The following LARS2 variants were observed in gnomAD, a reference collection of about 807,000 sequenced individuals.
LARS2 encodes leucine--tRNA ligase, mitochondrial.
A neutral mutation model predicts 116.6 loss-of-function variants in LARS2; 81 were observed. That is an observed-to-expected ratio of 0.69 (90% confidence interval 0.58 to 0.84). LARS2 has a LOEUF of 0.84. Among genes scored for constraint, LARS2 ranks in the 40% least tolerant of loss-of-function variants. The pLI is 0.00. For synonymous variants in LARS2, 396 were observed against 407.2 expected, an observed-to-expected ratio of 0.97 and a Z score of 0.33; for missense variants, 968 against 1,114.5, an observed-to-expected ratio of 0.87 and a Z score of 1.87.
intron 2 of LARS2, among the ~76,000 whole-genome samples, chr3:45,394,028 C>T (rs940868310): frequency 1.3e-5 from 2 of 152,302 alleles, no homozygotes; most frequent in Non-Finnish European, 2.9e-5. Context: ...ATATTTGAGC[C>T]TAACGCCAAC....
At chr3:45,516,297 T>C (rs1700369282) in intron 17 of LARS2, 21 bp downstream of exon 17, 1 of 1,605,870 alleles carries the variant, frequency 6.2e-7, no homozygotes, top group Non-Finnish European at 8.5e-7. Context: ...TTCCTCTTCC[T>C]GACTTGCTTC....
At chr3:45,532,583 A>G (rs886324287) in intron 20 of LARS2, among the ~76,000 whole-genome samples, 7 of 152,220 alleles carry the variant, frequency 4.6e-5, no homozygotes, top group African/African-American at 1.7e-4. Context: ...CTCAATATGC[A>G]TTGTTAGGTT....
In LARS2 at chr3:45,458,833, G is replaced by T; in HGVS notation, c.697G>T (p.Val233Leu). 1 of 1,614,118 alleles carries T rather than the reference G, an allele frequency of 6.2e-7. No homozygotes were observed. The highest frequency in any genetic ancestry group is 8.5e-7 in the Non-Finnish European group (1 of 1,179,972). Residue 233 changes from valine (V) to leucine (L), a missense_variant, in exon 8 of 22, where the codon GTG becomes TTG. Val to Leu is a conservative substitution (Grantham distance 32). Transcript: ENST00000645846. ...HGCSWRSGAKVEQKYLRQWFI... is the reference protein window; with the variant it reads ...HGCSWRSGAKLEQKYLRQWFI... ...CTGTTCATGGCGTTCTGGAGCAAAGGTGGAACAGAAGTACCTCAGACAATG... is the reference window on the plus strand; with the variant it reads ...CTGTTCATGGCGTTCTGGAGCAAAGTTGGAACAGAAGTACCTCAGACAATG...
In LARS2 at chr3:45,500,511, C is replaced by T. The variant is rs149911756; in HGVS notation, c.1692C>T (p.Ala564=). Residue 564 remains alanine (A), a synonymous_variant, in exon 15 of 22, where the codon GCC becomes GCT. Transcript: ENST00000645846. The part of the protein sequence containing the change: ...VDLYIGGKEH[A]VMHLFYARFF... ...TGTACATTGGAGGGAAAGAACATGCCGTCATGCACTTGTTCTATGCAAGAT... is the reference window on the plus strand; with the variant it reads ...TGTACATTGGAGGGAAAGAACATGCTGTCATGCACTTGTTCTATGCAAGAT... 4,098 of 1,590,548 alleles carry T rather than the reference C, an allele frequency of 2.6e-3. 9 individuals carry two copies. The highest frequency in any genetic ancestry group is 3.1e-3 in the Non-Finnish European group (3,621 of 1,171,104).
intron 7 of LARS2, among the ~76,000 whole-genome samples, chr3:45,457,833 A>C (rs1368602360): frequency 1.3e-5 from 2 of 152,246 alleles, no homozygotes; most frequent in African/African-American, 4.8e-5. Flanking sequence ...TTTTAAATGA[A>C]GATAGACACT....
chr3:45,405,893 A>G (rs1481849391), intron 4 of LARS2, among the ~76,000 whole-genome samples: 1 of 152,152 alleles, frequency 6.6e-6, no homozygotes, highest in Non-Finnish European at 1.5e-5. Flanking sequence ...GTGAATCCCC[A>G]CTGGCTCTTA....
chr3:45,524,179 A>G, intron 20 of LARS2, 71 bp downstream of exon 20: 1 of 1,012,604 alleles, frequency 9.9e-7, no homozygotes, highest in Non-Finnish European at 1.6e-6. Context: ...TTTGAACATC[A>G]TTCGGGACTC....
chr3:45,393,489 T>C (rs533745543), intron 2 of LARS2, among the ~76,000 whole-genome samples: 10 of 152,072 alleles, frequency 6.6e-5, no homozygotes, highest in Admixed American at 4.6e-4. Flanking sequence ...GCAGGAGAAT[T>C]GCTTGAACCC....
chr3:45,394,549 A>G lies in LARS2; in HGVS notation c.96A>G (p.Val32=). ...GPDVIKWERR[V]IPGCTRSIYS... is the part of the protein sequence containing the mutation. ...ATGTCATCAAGTGGGAAAGGAGAGT[A>G]ATTCCCGGATGTACCAGAAGCATCT... Residue 32 remains valine (V), a synonymous_variant, in exon 3 of 22, where the codon GTA becomes GTG. Coordinates refer to ENST00000645846, the MANE Select transcript of LARS2 (RefSeq NM_015340.4). 3 of 1,614,064 alleles carry G rather than the reference A, an allele frequency of 1.9e-6. No individual in the cohort carries two copies. The highest frequency in any genetic ancestry group is 2.5e-6 in the Non-Finnish European group (3 of 1,179,912).
intron 6 of LARS2, among the ~76,000 whole-genome samples, chr3:45,434,866 C>T (rs1465100032): frequency 6.6e-6 from 1 of 152,160 alleles, no homozygotes; most frequent in Non-Finnish European, 1.5e-5. Flanking sequence ...AGTACAAGCT[C>T]CCCACTAGCC....
chr3:45,526,083 T>TG, intron 20 of LARS2, among the ~76,000 whole-genome samples: 1 of 152,264 alleles, frequency 6.6e-6, no homozygotes, highest in South Asian at 2.1e-4. Flanking sequence ...TGAGGAAAGA[T>TG]GGGAAAAACT....
chr3:45,489,776 G>C (rs943937752), intron 12 of LARS2, among the ~76,000 whole-genome samples: 1 of 152,320 alleles, frequency 6.6e-6, no homozygotes, highest in South Asian at 2.1e-4. Flanking sequence ...TCTCACTCCA[G>C]ATACTCCGAT....
rs1334326324 is a variant in LARS2 at position 45,547,333 on chromosome 3, G to C, written c.2533-18G>C. On this transcript the variant is annotated intron_variant, in intron 21 of 21. Coordinates refer to ENST00000645846, the MANE Select transcript of LARS2 (RefSeq NM_015340.4). ...GAGGATGTTCCTCATTGTTTATCTT[G>C]GCTTTTCTCCTTCTCAGATCAACAA... 1 of 1,589,894 alleles carries C rather than the reference G, an allele frequency of 6.3e-7. No homozygotes were observed. Among genetic ancestry groups the C allele is most frequent in the Non-Finnish European group, 8.6e-7 (1 of 1,168,446 alleles).
intron 6 of LARS2, among the ~76,000 whole-genome samples, chr3:45,443,034 AC>A (rs1698940089): frequency 6.6e-6 from 1 of 152,176 alleles, no homozygotes; most frequent in Non-Finnish European, 1.5e-5. Context: ...CCAGTAGCAC[AC>A]ATACAGCATA....
chr3:45,497,207 AT>A (rs1280082519), intron 14 of LARS2, among the ~76,000 whole-genome samples: 1 of 152,164 alleles, frequency 6.6e-6, no homozygotes, highest in Non-Finnish European at 1.5e-5. Flanking sequence ...CAAGGAAAGA[AT>A]TGGGGCTGGA....
rs775215251 is a variant in LARS2 at position 45,400,365 on chromosome 3, G to C, written c.355G>C (p.Gly119Arg). The C allele has an allele frequency of 6.2e-7, 1 of 1,609,374 alleles. No homozygotes were observed. Among genetic ancestry groups the C allele is most frequent in the Non-Finnish European group, 8.5e-7 (1 of 1,178,186 alleles). ...DTIARFQKMRGMQVINPMGWD... is the reference protein window; with the variant it reads ...DTIARFQKMRRMQVINPMGWD... ...CATAGCACGGTTCCAGAAGATGAGA[G>C]GGATGCAGGTAAGAACAGGTGCCTG... The change falls in exon 4 of 22, where the codon GGG becomes CGG. Residue 119 changes from glycine to arginine, a missense_variant. Coordinates refer to ENST00000645846, the MANE Select transcript of LARS2 (RefSeq NM_015340.4).
chr3:45,417,726 A>G (rs1346980206), intron 5 of LARS2, among the ~76,000 whole-genome samples, 153 bp downstream of exon 5: 1 of 152,236 alleles, frequency 6.6e-6, no homozygotes, highest in Non-Finnish European at 1.5e-5. Context: ...TTGTCTTTTA[A>G]CATATTGTAT....
intron 19 of LARS2, among the ~76,000 whole-genome samples, chr3:45,521,769 TG>T (rs1296941260): frequency 6.6e-6 from 1 of 152,156 alleles, no homozygotes; most frequent in Admixed American, 6.5e-5. Context: ...TTTTTGTTTT[TG>T]TTTTTTTTTA....
At chr3:45,507,449 A>G (rs1700216472) in intron 15 of LARS2, among the ~76,000 whole-genome samples, 1 of 152,102 alleles carries the variant, frequency 6.6e-6, no homozygotes, top group South Asian at 2.1e-4. Flanking sequence ...CTAAAAATCT[A>G]TCCTAAGGAA....
Sources: allele counts gnomAD v4.1 joint callset (sites outside exome capture counted in the v4.1 genomes callset), GRCh38; gene constraint gnomAD v4.1.1; transcripts MANE v1.5; gene names NCBI Gene and HGNC (gene_info 2026-07-23, HGNC 2026-07-21).